Variants in FAM107B observed in about 807,000 individuals in gnomAD.
FAM107B encodes protein FAM107B.
Under a neutral mutation model 31.5 loss-of-function variants are expected in FAM107B, and 21 were observed. That is an observed-to-expected ratio of 0.67 (90% CI 0.47 to 0.96). The LOEUF (loss-of-function observed/expected upper bound fraction) is 0.96. FAM107B is among the 40% of genes least tolerant of loss of function. FAM107B has a pLI of 0.00. For synonymous variants in FAM107B, 157 were observed against 141.5 expected (o/e 1.11, Z -0.78); for missense variants, 452 against 377.1 (o/e 1.20, Z -1.64).
At chr10:14,686,233 A>G (rs1854983592) in intron 1 of FAM107B, among the ~76,000 whole-genome samples, 1 of 152,130 alleles carries the variant, frequency 6.6e-6, no homozygotes, top group Non-Finnish European at 1.5e-5. Context: ...TACTACAAAT[A>G]CAAAAATTAG....
chr10:14,665,300 A>G (rs1854376596), intron 2 of FAM107B, among the ~76,000 whole-genome samples: 2 of 152,210 alleles, frequency 1.3e-5, no homozygotes, highest in Admixed American at 1.3e-4. Context: ...ATCTCTAGTA[A>G]CACATACTGA....
intron 2 of FAM107B, among the ~76,000 whole-genome samples, chr10:14,596,557 A>G (rs1314794636): frequency 6.6e-6 from 1 of 152,164 alleles, no homozygotes; most frequent in East Asian, 1.9e-4. Context: ...GATGATAATA[A>G]TAATATTACC....
intron 1 of FAM107B, among the ~76,000 whole-genome samples, chr10:14,700,848 A>AGG (rs1855382163): frequency 2.0e-5 from 3 of 149,778 alleles, no homozygotes; most frequent in African/African-American, 4.9e-5. Flanking sequence ...AAAAAAAAAA[A>AGG]AAAACGCACT....
chr10:14,590,852 G>A (rs1851992742), intron 2 of FAM107B, among the ~76,000 whole-genome samples: 1 of 151,510 alleles, frequency 6.6e-6, no homozygotes, highest in Non-Finnish European at 1.5e-5. Context: ...AGATGGGTGT[G>A]GTAGCACGTG....
chr10:14,728,097 A>C (rs1856077883), intron 1 of FAM107B, among the ~76,000 whole-genome samples: 1 of 152,236 alleles, frequency 6.6e-6, no homozygotes, highest in Admixed American at 6.5e-5. Flanking sequence ...TTAAAAAGTA[A>C]AATGAAATGT....
chr10:14,544,135 G>A (rs1848492872), intron 2 of FAM107B, among the ~76,000 whole-genome samples: 1 of 152,166 alleles, frequency 6.6e-6, no homozygotes, highest in South Asian at 2.1e-4. Flanking sequence ...GCAGAGTGGA[G>A]CAGATGTTAT....
intron 2 of FAM107B, among the ~76,000 whole-genome samples, chr10:14,566,098 AC>A (rs1488162393): frequency 6.6e-6 from 1 of 152,170 alleles, no homozygotes; most frequent in Non-Finnish European, 1.5e-5. Context: ...TGAACAAAGA[AC>A]CCTGTATTTT....
chr10:14,629,915 T>G (rs1293808846), intron 2 of FAM107B, among the ~76,000 whole-genome samples: 1 of 152,170 alleles, frequency 6.6e-6, no homozygotes, highest in Non-Finnish European at 1.5e-5. Flanking sequence ...AAATCAAGTA[T>G]TAATACTAAA....
intron 1 of FAM107B, among the ~76,000 whole-genome samples, chr10:14,681,643 A>G (rs911294200): frequency 2.0e-5 from 3 of 152,156 alleles, no homozygotes; most frequent in African/African-American, 7.2e-5. Flanking sequence ...ATCACTGCCC[A>G]TTCCAAGAAC....
chr10:14,724,044 G>T, intron 1 of FAM107B: 1 of 812,974 alleles, frequency 1.2e-6, no homozygotes, highest in South Asian at 1.4e-5. Context: ...GGACATCAAG[G>T]GCTCTGGACA....
At chr10:14,647,513 T>C (rs1475364723) in intron 2 of FAM107B, among the ~76,000 whole-genome samples, 2 of 151,968 alleles carry the variant, frequency 1.3e-5, no homozygotes, top group African/African-American at 4.8e-5. Context: ...ACCCCGTCTC[T>C]ACTAAAAAAA....
At chr10:14,658,298 G>C (rs1854126495) in intron 2 of FAM107B, among the ~76,000 whole-genome samples, 1 of 152,174 alleles carries the variant, frequency 6.6e-6, no homozygotes, top group South Asian at 2.1e-4. Context: ...TTTCCCCTAA[G>C]AAAAGACTTC....
At chr10:14,676,955 A>T (rs1370309575) in intron 1 of FAM107B, among the ~76,000 whole-genome samples, 1 of 152,220 alleles carries the variant, frequency 6.6e-6, no homozygotes. Flanking sequence ...GAAAGCAGAG[A>T]GTCCTGGTCC....
At chr10:14,679,710 C>T (rs140729750) in intron 1 of FAM107B, among the ~76,000 whole-genome samples, 30 of 152,230 alleles carry the variant, frequency 2.0e-4, no homozygotes, top group African/African-American at 7.0e-4. Flanking sequence ...AGTATTGTCC[C>T]GGGGTGTGTC....
At chr10:14,579,232 C>T (rs1007496669) in intron 2 of FAM107B, among the ~76,000 whole-genome samples, 1 of 152,142 alleles carries the variant, frequency 6.6e-6, no homozygotes, top group African/African-American at 2.4e-5. Context: ...AAAGAAGGGT[C>T]GGCCAGCTAA....
At chr10:14,765,068 A>G (rs991118648) in intron 1 of FAM107B, among the ~76,000 whole-genome samples, 2 of 152,228 alleles carry the variant, frequency 1.3e-5, no homozygotes, top group African/African-American at 4.8e-5. Flanking sequence ...GCTGGAAATA[A>G]GTGCTGCTCA....
At chr10:14,732,765 T>C (rs1029891675) in intron 1 of FAM107B, among the ~76,000 whole-genome samples, 7 of 148,418 alleles carry the variant, frequency 4.7e-5, no homozygotes, top group African/African-American at 1.7e-4. Flanking sequence ...GTTAAACATA[T>C]AACATAATAT....
At chr10:14,749,953 G>A (rs1832795253) in intron 1 of FAM107B, among the ~76,000 whole-genome samples, 1 of 152,216 alleles carries the variant, frequency 6.6e-6, no homozygotes, top group African/African-American at 2.4e-5. Flanking sequence ...ACGCCAGGAA[G>A]GCTGCCATGC....
intron 3 of FAM107B, among the ~76,000 whole-genome samples, chr10:14,522,410 CCTG>C (rs1276796567): frequency 6.7e-6 from 1 of 149,896 alleles, no homozygotes; most frequent in African/African-American, 2.5e-5. Context: ...AAATCTAGCC[CCTG>C]ATTTTTTTTT....
Sources: allele counts gnomAD v4.1 joint callset (sites outside exome capture counted in the v4.1 genomes callset), GRCh38; gene constraint gnomAD v4.1.1; transcripts MANE v1.5; gene names NCBI Gene and HGNC (gene_info 2026-07-23, HGNC 2026-07-21).